The following P4HTM variants were observed in gnomAD, a reference collection of about 807,000 sequenced individuals.
P4HTM encodes transmembrane prolyl 4-hydroxylase.
Under a neutral mutation model 55.3 loss-of-function variants are expected in P4HTM, and 33 were observed. The observed-to-expected ratio is 0.60, with a 90% CI of 0.45 to 0.80. The LOEUF is 0.80. Among genes scored for constraint, P4HTM ranks in the 30% least tolerant of loss-of-function variants. The pLI is 0.00. For synonymous variants in P4HTM, 272 were observed against 286.4 expected (o/e 0.95, Z 0.51); for missense variants, 542 against 696.5 (o/e 0.78, Z 2.50).
In P4HTM at chr3:49,006,003, T is replaced by TA. The variant is rs2092978693; in HGVS notation, c.1165-61_1165-60insA. 5.1e-6 allele frequency: 8 copies of TA among 1,579,542 alleles called. No homozygotes were observed. The African/African-American group carries it at 6.7e-5, about 13-fold the overall frequency. ...CTGGTTGGTTTCCCTTTGGTCACCC[T>TA]TGGCTGGCCTGGCCATAGAGTGGGG... On this transcript the variant is annotated intron_variant, in intron 7 of 8. Coordinates refer to ENST00000383729, the MANE Select transcript of P4HTM (RefSeq NM_177939.3).
At chr3:49,001,417 A>G in intron 2 of P4HTM, 21 bp from the exon 3 acceptor site, 1 of 1,613,242 alleles carries the variant, frequency 6.2e-7, no homozygotes, top group South Asian at 1.1e-5. Flanking sequence ...CCTTGGCCTC[A>G]CCCACCTCCT....
chr3:48,990,607 C>G lies in P4HTM; in HGVS notation c.351C>G (p.Ile117Met). The G allele has an allele frequency of 6.3e-7, 1 of 1,578,232 alleles. No individual in the cohort carries two copies. The highest frequency in any genetic ancestry group is 2.3e-5 in the East Asian group (1 of 43,122). ...GTCCCCTCACCCGGCTGGAGGGCAT[C>G]AAGGTGAGGACCTCCCTGCCCCGCC... ...TLGPLTRLEG[I>M]KVGHERKVQL... Residue 117 changes from isoleucine (I) to methionine (M), a missense_variant, in exon 1 of 9, where the codon ATC becomes ATG. Ile to Met is a conservative substitution (Grantham distance 10, BLOSUM62 1). This residue lies in a region of P4HTM where 536 missense variants were observed against 672.1 expected (regional missense o/e 0.80). Coordinates refer to ENST00000383729, the MANE Select transcript of P4HTM (RefSeq NM_177939.3). This position sits in a 1 kb window ranked among gnomAD's most constrained non-coding sequence, Gnocchi z 7.2.
rs761661739 is a variant in P4HTM, at chr3:49,006,212, G to C, written c.1288+25G>C. 9.4e-6 allele frequency: 15 copies of C among 1,601,170 alleles called. No homozygotes were observed. The African/African-American group carries it at 1.3e-4, about 14-fold the overall frequency. On this transcript the variant is annotated intron_variant, in intron 8 of 8. Transcript: ENST00000383729. ...GGTGAGGGCCTATGGCCAGGCCTGGGGGGGGTGCCCTGAGTACAGCTTCCC... is the reference window on the plus strand; with the variant it reads ...GGTGAGGGCCTATGGCCAGGCCTGGCGGGGGTGCCCTGAGTACAGCTTCCC...
intron 3 of P4HTM, 120 bp downstream of exon 3, chr3:49,001,748 C>A: frequency 1.2e-6 from 1 of 836,834 alleles, no homozygotes; most frequent in Non-Finnish European, 1.9e-6. Context: ...CCCAGACCTG[C>A]CTGGGCATGC....
intron 5 of P4HTM, chr3:49,004,475 G>A: frequency 1.7e-6 from 1 of 579,058 alleles, no homozygotes; most frequent in Non-Finnish European, 3.0e-6. Flanking sequence ...ACTGGGGTTA[G>A]ATAGAGATTG....
intron 4 of P4HTM, chr3:49,003,335 C>T: frequency 6.1e-6 from 1 of 164,894 alleles, no homozygotes; most frequent in South Asian, 1.5e-4. Flanking sequence ...TGCTATAGGC[C>T]CCAGAACAGA....
chr3:49,005,201 T>C (rs764717712), intron 6 of P4HTM, 155 bp downstream of exon 6: 66 of 1,573,106 alleles, frequency 4.2e-5, no homozygotes, highest in Admixed American at 4.1e-4. Context: ...TCCCCACAAG[T>C]TGTTTACCCA....
chr3:48,991,203 A>C, intron 2 of P4HTM: 1 of 365,318 alleles, frequency 2.7e-6, no homozygotes, highest in Non-Finnish European at 5.0e-6. Context: ...TAATTCTGTC[A>C]CCTTCTAGAA....
rs1475073490 is a variant in P4HTM, at chr3:49,004,142, T to A, written c.769T>A (p.Phe257Ile). The A allele has an allele frequency of 6.4e-7, 1 of 1,553,762 alleles. No homozygotes were observed. Among genetic ancestry groups the A allele is most frequent in the Non-Finnish European group, 8.7e-7 (1 of 1,148,946 alleles). The change falls in exon 5 of 9, where the codon TTC becomes ATC. Residue 257 changes from phenylalanine to isoleucine, a missense_variant. Physicochemically the swap from Phe to Ile is conservative, Grantham distance 21. Transcript: ENST00000383729. Reference sequence around the variant, plus strand: ...GTTCTCCAACATGGACCTTCGGGACTTCCACAAGTACATGAGGAGCCACAA... The same window carrying A: ...GTTCTCCAACATGGACCTTCGGGACATCCACAAGTACATGAGGAGCCACAA... ...QEFSNMDLRD[F>I]HKYMRSHKAE...
chr3:48,994,599 A>T (rs547458398), intron 2 of P4HTM, among the ~76,000 whole-genome samples: 86 of 152,266 alleles, frequency 5.6e-4, no homozygotes, highest in African/African-American at 2.0e-3. Context: ...AGGGAAATAA[A>T]GGATTTGGAA....
chr3:49,006,258 C>T, intron 8 of P4HTM, 71 bp downstream of exon 8: 7 of 1,518,082 alleles, frequency 4.6e-6, no homozygotes, highest in Non-Finnish European at 6.3e-6. Flanking sequence ...CCCCGTCTGC[C>T]ACAATGGAGG....
chr3:49,002,262 C>T lies in P4HTM; in HGVS notation c.628-238C>T, dbSNP rs886580340. 3.9e-5 allele frequency among the ~76,000 whole-genome samples: 6 copies of T among 152,260 alleles called. No homozygotes were observed. Among genetic ancestry groups the T allele is most frequent in the South Asian group, 2.1e-4 (1 of 4,838 alleles). On this transcript the variant is annotated intron_variant, in intron 3 of 8. Transcript: ENST00000383729. This position sits in a 1 kb window ranked among gnomAD's most constrained non-coding sequence, Gnocchi z 4.4. ...CCAACAGTGCTCTCCATGAAGGCCA[C>T]GGGGCCTTAGTCCGGGAATGCAAAT...
chr3:48,990,598 G>A lies in P4HTM; in HGVS notation c.342G>A (p.Leu114=). 7.5e-6 allele frequency: 12 copies of A among 1,592,050 alleles called. No homozygotes were observed. The highest frequency in any genetic ancestry group is 1.0e-5 in the Non-Finnish European group (12 of 1,169,916). The change falls in exon 1 of 9, where the codon CTG becomes CTA. Residue 114 remains leucine, a synonymous_variant. Coordinates refer to ENST00000383729, the MANE Select transcript of P4HTM (RefSeq NM_177939.3). The surrounding 1 kb of genome is among the most constrained non-coding windows in gnomAD (Gnocchi z 7.2). ...CCACCTTAGGTCCCCTCACCCGGCT[G>A]GAGGGCATCAAGGTGAGGACCTCCC... is the stretch of plus-strand genomic sequence containing the variant. ...PEPTLGPLTR[L]EGIKVGHERK...
chr3:49,004,584 C>T (rs2092970979), intron 5 of P4HTM: 1 of 557,892 alleles, frequency 1.8e-6, no homozygotes, highest in Non-Finnish European at 3.2e-6. Context: ...AACTTTCTTC[C>T]AGGGAGGAGG....
At position 48,990,923 on chromosome 3, in the gene P4HTM, GC is replaced by G. The variant is rs2092929495; in HGVS notation, c.436+11del. The G allele has an allele frequency of 6.2e-7, 1 of 1,610,606 alleles. No individual in the cohort carries two copies. The highest frequency in any genetic ancestry group is 1.3e-5 in the African/African-American group (1 of 74,854). On this transcript the variant is annotated intron_variant, in intron 2 of 8. Coordinates refer to ENST00000383729, the MANE Select transcript of P4HTM (RefSeq NM_177939.3). The surrounding 1 kb of genome is among the most constrained non-coding windows in gnomAD (Gnocchi z 7.2). ...CAAGCCGCTGCTCTTCGGTAAGTCC[GC>G]CAGATACTCCTGGGAAGGGCCAGGG...
At chr3:48,995,839 G>A (rs1415719212) in intron 2 of P4HTM, among the ~76,000 whole-genome samples, 1 of 152,198 alleles carries the variant, frequency 6.6e-6, no homozygotes, top group Non-Finnish European at 1.5e-5. Context: ...GCCTGCCTCA[G>A]CCTCCCAAAG....
chr3:49,005,378 G>C, intron 6 of P4HTM: 5 of 1,409,540 alleles, frequency 3.5e-6, no homozygotes, highest in Non-Finnish European at 4.6e-6. Context: ...ATTCCACTTA[G>C]AGAAGCTGAA....
upstream of P4HTM, chr3:48,990,146 C>G (rs1267091730): frequency 4.0e-6 from 4 of 1,005,842 alleles, no homozygotes; most frequent in Non-Finnish European, 4.8e-6. This position sits in a 1 kb window ranked among gnomAD's most constrained non-coding sequence, Gnocchi z 7.2. Flanking sequence ...CCCCAGGCAC[C>G]GTCTCCTAGT....
chr3:48,994,348 A>C (rs1323963176), intron 2 of P4HTM, among the ~76,000 whole-genome samples: 1 of 152,190 alleles, frequency 6.6e-6, no homozygotes, highest in Admixed American at 6.5e-5. Context: ...GTGGATGCTA[A>C]AGATGTGAGC....
Sources: allele counts gnomAD v4.1 joint callset (sites outside exome capture counted in the v4.1 genomes callset), GRCh38; gene constraint gnomAD v4.1.1; regional missense constraint gnomAD v4.1.1; non-coding constraint Gnocchi (gnomAD v3.1); transcripts MANE v1.5; gene names NCBI Gene and HGNC (gene_info 2026-07-23, HGNC 2026-07-21).